The following CRLF3 variants were observed in gnomAD, a reference collection of about 807,000 sequenced individuals.
CRLF3 encodes cytokine receptor-like factor 3.
Under a neutral mutation model 55.0 loss-of-function variants are expected in CRLF3, and 33 were observed. That is an observed-to-expected ratio of 0.60 (90% confidence interval 0.46 to 0.80). The LOEUF (loss-of-function observed/expected upper bound fraction) is 0.80. CRLF3 is among the 30% of genes least tolerant of loss of function. The pLI, the probability that CRLF3 is intolerant of heterozygous loss-of-function variation, is 0.00. For missense variants in CRLF3, 494 were observed against 538.4 expected (o/e 0.92, Z 0.82); for synonymous variants, 238 against 196.8 (o/e 1.21, Z -1.75).
rs188438861 is a variant in CRLF3 at position 30,813,186 on chromosome 17, T to C, written c.130-9078A>G. 5.3e-5 allele frequency among the ~76,000 whole-genome samples: 8 copies of C among 152,274 alleles called. No individual in the cohort carries two copies. The Middle Eastern group carries it at 0.01, about 194-fold the overall frequency. On this transcript the variant is annotated intron_variant, in intron 1 of 7. Coordinates refer to ENST00000324238, the MANE Select transcript of CRLF3 (RefSeq NM_015986.4). The stretch of plus-strand genomic sequence containing the variant: ...ACGCTTAATTCTTGATTATCTATAC[T>C]AATAGAGTGCACATCATCAAGACCA...
rs201039609 is a variant in CRLF3, at chr17:30,803,038, G to A, written c.337+863C>T. Among the ~76,000 whole-genome samples the A allele has an allele frequency of 4.4e-4, 67 of 151,786 alleles. No homozygotes were observed. The East Asian group carries it at 0.011, about 24-fold the overall frequency. On this transcript the variant is annotated intron_variant, in intron 2 of 7. Coordinates refer to ENST00000324238, the MANE Select transcript of CRLF3 (RefSeq NM_015986.4). ...AAAAATTACAGGCATGGTGGGACGC[G>A]CCTGTAATCCCAGCTATTTGGGAGG...
intron 6 of CRLF3, among the ~76,000 whole-genome samples, chr17:30,787,118 A>G (rs546051752): frequency 6.6e-6 from 1 of 152,264 alleles, no homozygotes; most frequent in Non-Finnish European, 1.5e-5. Flanking sequence ...TTACGGAGTG[A>G]GCCACCGTGC....
chr17:30,785,812 C>A, intron 7 of CRLF3, 107 bp downstream of exon 7: 11 of 574,026 alleles, frequency 1.9e-5, no homozygotes, highest in East Asian at 3.2e-5. Context: ...AGAAAAATAC[C>A]TAAATTTTCT....
At chr17:30,788,325 CAAAA>C (rs780693808) in intron 6 of CRLF3, among the ~76,000 whole-genome samples, 2 of 118,468 alleles carry the variant, frequency 1.7e-5, no homozygotes, top group Admixed American at 9.3e-5. Context: ...GACTTTGTCT[CAAAA>C]AAAAAAAAAG....
chr17:30,797,639 A>C (rs1220166196), intron 2 of CRLF3, among the ~76,000 whole-genome samples: 1 of 152,178 alleles, frequency 6.6e-6, no homozygotes, highest in African/African-American at 2.4e-5. Context: ...TATCTACTCT[A>C]TACAAGGAAA....
chr17:30,807,396 A>T (rs1329939506), intron 1 of CRLF3, among the ~76,000 whole-genome samples: 1 of 151,914 alleles, frequency 6.6e-6, no homozygotes, highest in East Asian at 1.9e-4. Flanking sequence ...AGAATACAAT[A>T]TTGTTTCCCA....
Position 30,784,034 on chromosome 17 carries a change from T to C in CRLF3, c.*153A>G, listed in dbSNP as rs1018728198. On this transcript the variant is annotated 3_prime_UTR_variant, in exon 8 of 8. Coordinates refer to ENST00000324238, the MANE Select transcript of CRLF3 (RefSeq NM_015986.4). ...TTTTGTCCACAACATTGAAGTCTCT[T>C]TTTGCTAAAATATTACAAAATGAAT... The C allele has an allele frequency of 3.0e-6, 2 of 671,608 alleles. No homozygotes were observed. The highest frequency in any genetic ancestry group is 1.8e-5 in the African/African-American group (1 of 55,144). 41.6% of individuals were successfully genotyped at this position (671,608 alleles called of 1,614,324 possible).
intron 6 of CRLF3, among the ~76,000 whole-genome samples, chr17:30,791,133 G>T (rs917959197): frequency 6.6e-6 from 1 of 151,768 alleles, no homozygotes; most frequent in African/African-American, 2.4e-5. Flanking sequence ...CCAGGCTGAA[G>T]TGCAATGGCT....
At chr17:30,787,025 C>T (rs193152439) in intron 6 of CRLF3, among the ~76,000 whole-genome samples, 18 of 151,986 alleles carry the variant, frequency 1.2e-4, no homozygotes, top group Non-Finnish European at 1.6e-4. Flanking sequence ...AGTAGAGACA[C>T]GGTTTCACCA....
rs1301346917 is a variant in CRLF3 at position 30,824,569 on chromosome 17, C to T, written c.83G>A (p.Arg28Gln). 5.6e-6 allele frequency: 9 copies of T among 1,603,272 alleles called. No homozygotes were observed. The Admixed American group carries it at 1.2e-4, about 21-fold the overall frequency. The change falls in exon 1 of 8, where the codon CGG (arginine) becomes CAG (glutamine). Residue 28 changes from arginine to glutamine, a missense_variant. By Grantham distance (43) the Arg-to-Gln change is conservative (BLOSUM62 1). Transcript: ENST00000324238. Reference sequence around the variant, plus strand: ...CCCCTCAAGCCGGTGACCCAGCTCCCGCCGGTAGCTCTGCGCTGCCTCCAC... The same window carrying T: ...CCCCTCAAGCCGGTGACCCAGCTCCTGCCGGTAGCTCTGCGCTGCCTCCAC... ...ENVEAAQSYR[R>Q]ELGHRLEGLR... is the part of the protein sequence containing the mutation.
intron 6 of CRLF3, chr17:30,790,623 T>G (rs1971774275): frequency 7.3e-6 from 1 of 136,108 alleles, no homozygotes; most frequent in Middle Eastern, 3.5e-3. Context: ...TTTTTTTTTT[T>G]TTTTTTTTTT....
In CRLF3 at chr17:30,822,019, G is replaced by C. The variant is rs1204530684; in HGVS notation, c.129+2504C>G. On this transcript the variant is annotated intron_variant, in intron 1 of 7. Coordinates refer to ENST00000324238, the MANE Select transcript of CRLF3 (RefSeq NM_015986.4). Reference sequence around the variant, plus strand: ...GGATCTTTTGAGCCCAGGAGTTGGAGACCAGCCTGGGAAACGTAACAAAAC... The same window carrying C: ...GGATCTTTTGAGCCCAGGAGTTGGACACCAGCCTGGGAAACGTAACAAAAC... Among the ~76,000 whole-genome samples, 6 of 133,574 alleles carry C rather than the reference G, an allele frequency of 4.5e-5. No homozygotes were observed. The South Asian group carries it at 1.4e-3, about 31-fold the overall frequency. The allele number at this position is 133,574 out of a possible 152,430, so 87.6% of individuals were successfully genotyped here. A position where few individuals can be genotyped will look rare whatever the true frequency, so the allele number is the denominator to read the frequency against.
At chr17:30,785,465 C>CACAT (rs1418996214) in intron 7 of CRLF3, among the ~76,000 whole-genome samples, 1 of 150,938 alleles carries the variant, frequency 6.6e-6, no homozygotes, top group Non-Finnish European at 1.5e-5. Context: ...ACATGGTAGT[C>CACAT]ACATAAATTA....
chr17:30,796,098 A>G, intron 4 of CRLF3, 62 bp downstream of exon 4: 1 of 1,219,966 alleles, frequency 8.2e-7, no homozygotes, highest in Non-Finnish European at 1.1e-6. Flanking sequence ...AAAAAATCTG[A>G]AAGGCCTCCA....
chr17:30,817,905 A>C (rs1399787013), intron 1 of CRLF3, among the ~76,000 whole-genome samples: 2 of 132,368 alleles, frequency 1.5e-5, no homozygotes, highest in South Asian at 4.7e-4. Context: ...ACTCCATCCC[A>C]AAAAAAAAAA....
At chr17:30,799,146 G>A (rs946524230) in intron 2 of CRLF3, among the ~76,000 whole-genome samples, 9 of 151,084 alleles carry the variant, frequency 6.0e-5, no homozygotes, top group South Asian at 4.2e-4. Flanking sequence ...GGTGGCGGGC[G>A]CCTATAATCC....
chr17:30,811,074 G>C (rs1400370432), intron 1 of CRLF3, among the ~76,000 whole-genome samples: 2 of 152,288 alleles, frequency 1.3e-5, no homozygotes, highest in East Asian at 3.9e-4. Flanking sequence ...GGGTGACAAA[G>C]TGAGACCCTG....
chr17:30,785,914 C>G lies in CRLF3; in HGVS notation c.1072+5G>C, dbSNP rs995342270. The G allele has an allele frequency of 2.0e-6, 3 of 1,474,300 alleles. No individual in the cohort carries two copies. Among genetic ancestry groups the G allele is most frequent in the Non-Finnish European group, 2.8e-6 (3 of 1,057,586 alleles). 91.3% of individuals were successfully genotyped at this position (1,474,300 alleles called of 1,614,324 possible). On this transcript the variant is annotated splice_donor_5th_base_variant and intron_variant, in intron 7 of 7. Coordinates refer to ENST00000324238, the MANE Select transcript of CRLF3 (RefSeq NM_015986.4). ...CCAAGAGAATGACAGTTATTTATCTCTTACCATTTGTACTAATGCACACAG... is the reference window on the plus strand; with the variant it reads ...CCAAGAGAATGACAGTTATTTATCTGTTACCATTTGTACTAATGCACACAG...
At chr17:30,815,834 G>A (rs543331842) in intron 1 of CRLF3, among the ~76,000 whole-genome samples, 7 of 151,458 alleles carry the variant, frequency 4.6e-5, no homozygotes, top group Non-Finnish European at 4.4e-5. Context: ...GTGAGCCACT[G>A]AGCCCGGCCA....
Sources: allele counts gnomAD v4.1 joint callset (sites outside exome capture counted in the v4.1 genomes callset), GRCh38; gene constraint gnomAD v4.1.1; transcripts MANE v1.5; gene names NCBI Gene and HGNC (gene_info 2026-07-23, HGNC 2026-07-21).